TGDS: variants seen among roughly 807,000 people sequenced by gnomAD.
The protein encoded by TGDS is TDP-glucose 4,6-dehydratase.
In TGDS, 47 loss-of-function variants were observed where a neutral mutation model predicts 52.3. The ratio of observed to expected loss-of-function variants is 0.90; its 90% CI spans 0.71 to 1.15. The LOEUF (loss-of-function observed/expected upper bound fraction) is 1.15, where lower values mean the gene tolerates loss of function less well. Ranked by LOEUF, TGDS falls within the 50% of genes most tolerant of loss-of-function variation. The pLI, the probability that TGDS is intolerant of heterozygous loss-of-function variation, is 0.00. For missense variants in TGDS, 375 were observed against 418.4 expected (o/e 0.90, Z 0.90); for synonymous variants, 115 against 136.9 (o/e 0.84, Z 1.12).
In TGDS at chr13:94,585,770, G is replaced by T. The variant is rs146838767; in HGVS notation, c.314-2534C>A. On this transcript the variant is annotated intron_variant, in intron 4 of 11. Coordinates refer to ENST00000261296, the MANE Select transcript of TGDS (RefSeq NM_014305.4). The stretch of plus-strand genomic sequence containing the variant: ...AGCCGAGATCACAACACTGCACTCT[G>T]GCCTAGGTGACAGAACAAGACTCTG... Among the ~76,000 whole-genome samples, 599 of 148,444 alleles carry T rather than the reference G, an allele frequency of 4.0e-3. 5 individuals are homozygous for T. Among genetic ancestry groups the T allele is most frequent in the African/African-American group, 0.015 (588 of 40,010 alleles).
intron 4 of TGDS, 124 bp downstream of exon 4, chr13:94,590,729 C>T (rs1889166029): frequency 2.9e-6 from 2 of 695,512 alleles, no homozygotes; most frequent in South Asian, 2.4e-5. Flanking sequence ...TTATGGATAA[C>T]ACAGTCACCG....
Position 94,577,364 on chromosome 13 carries a change from T to C in TGDS, c.884+7A>G. The C allele has an allele frequency of 6.4e-7, 1 of 1,565,844 alleles. No homozygotes were observed. The highest frequency in any genetic ancestry group is 8.6e-7 in the Non-Finnish European group (1 of 1,161,852). ...ACCTTTCCCCAAGGTTTTAACTTGT[T>C]ACTCACCTATCATTAACATAATCAA... On this transcript the variant is annotated splice_region_variant and intron_variant, in intron 10 of 11. Coordinates refer to ENST00000261296, the MANE Select transcript of TGDS (RefSeq NM_014305.4).
At chr13:94,582,536 T>C (rs1270290809) in intron 5 of TGDS, among the ~76,000 whole-genome samples, 1 of 152,204 alleles carries the variant, frequency 6.6e-6, no homozygotes, top group Non-Finnish European at 1.5e-5. Flanking sequence ...AGAATAATAT[T>C]CTATGACGGT....
At chr13:94,593,323 A>T (rs1889270988) in intron 2 of TGDS, among the ~76,000 whole-genome samples, 1 of 152,178 alleles carries the variant, frequency 6.6e-6, no homozygotes, top group Non-Finnish European at 1.5e-5. Context: ...TTGGTGATAC[A>T]GAAAAAATTC....
At chr13:94,593,326 A>G (rs1889271277) in intron 2 of TGDS, among the ~76,000 whole-genome samples, 1 of 152,214 alleles carries the variant, frequency 6.6e-6, no homozygotes, top group African/African-American at 2.4e-5. Flanking sequence ...GTGATACAGA[A>G]AAAATTCCTG....
chr13:94,577,469 TGA>T (rs886583516), intron 9 of TGDS, 40 bp from the exon 10 acceptor site: 1 of 1,514,098 alleles, frequency 6.6e-7, no homozygotes, highest in African/African-American at 1.4e-5. Flanking sequence ...AATTATAAAA[TGA>T]GATCAGAGAA....
At chr13:94,593,261 T>C (rs1375276403) in intron 2 of TGDS, among the ~76,000 whole-genome samples, 1 of 152,218 alleles carries the variant, frequency 6.6e-6, no homozygotes, top group Admixed American at 6.5e-5. Flanking sequence ...TAATTACACC[T>C]GTGTTATACA....
At chr13:94,575,712 T>C (rs1888578280) in intron 11 of TGDS, among the ~76,000 whole-genome samples, 1 of 152,214 alleles carries the variant, frequency 6.6e-6, no homozygotes, top group Non-Finnish European at 1.5e-5. Flanking sequence ...ACTTAAGTAT[T>C]TGTATTTCAA....
At position 94,574,667 on chromosome 13, in the gene TGDS, T is replaced by G. The variant is rs541406878; in HGVS notation, c.*115A>C. On this transcript the variant is annotated 3_prime_UTR_variant, in exon 12 of 12. Coordinates refer to ENST00000261296, the MANE Select transcript of TGDS (RefSeq NM_014305.4). ...CATTTGAATTTTATACAGAAAGTCA[T>G]GAATCTAATTCCAAAAGAAAAGAGT... 1.6e-6 allele frequency: 1 copy of G among 620,004 alleles called. No homozygotes were observed. Among genetic ancestry groups the G allele is most frequent in the East Asian group, 2.7e-5 (1 of 36,500 alleles). The allele number at this position is 620,004 out of a possible 1,614,324, so 38.4% of individuals were successfully genotyped here. A position where few individuals can be genotyped will look rare whatever the true frequency, so the allele number is the denominator to read the frequency against.
intron 7 of TGDS, 41 bp downstream of exon 7, chr13:94,579,853 C>T (rs752699035): frequency 2.6e-6 from 3 of 1,143,686 alleles, no homozygotes; most frequent in African/African-American, 1.5e-5. Flanking sequence ...TGAGAAGTTA[C>T]AATCACTGAA....
chr13:94,583,568 TA>T (rs1378872111), intron 4 of TGDS, among the ~76,000 whole-genome samples: 8 of 152,194 alleles, frequency 5.3e-5, no homozygotes, highest in Non-Finnish European at 8.8e-5. Context: ...ATAGGCTTTT[TA>T]AGATCAATCT....
rs1012283243 is a variant in TGDS at position 94,574,184 on chromosome 13, A to T, written c.*598T>A. The T allele has an allele frequency of 1.3e-5, 2 of 152,222 alleles. No homozygotes were observed. Among genetic ancestry groups the T allele is most frequent in the African/African-American group, 4.8e-5 (2 of 41,474 alleles). The allele number at this position is 152,222 out of a possible 1,614,324, so 9.4% of individuals were successfully genotyped here. ...AATCATTTTAAACAGTAAACATGAT[A>T]AATTTCTGATACAAGGTTTTACATA... is the stretch of plus-strand genomic sequence containing the variant. On this transcript the variant is annotated 3_prime_UTR_variant, in exon 12 of 12. Transcript: ENST00000261296.
chr13:94,592,411 A>G (rs1299577031), intron 2 of TGDS, 102 bp from the exon 3 acceptor site: 1 of 848,038 alleles, frequency 1.2e-6, no homozygotes, highest in Non-Finnish European at 1.8e-6. Flanking sequence ...ACTGGTTACA[A>G]TACAAGAACA....
intron 3 of TGDS, 53 bp downstream of exon 3, chr13:94,592,188 T>G: frequency 7.4e-7 from 1 of 1,344,974 alleles, no homozygotes; most frequent in Non-Finnish European, 1.0e-6. Context: ...AAAGATACTA[T>G]AATCTCTGCA....
At chr13:94,586,407 CG>C (rs1053836958) in intron 4 of TGDS, among the ~76,000 whole-genome samples, 3 of 151,990 alleles carry the variant, frequency 2.0e-5, no homozygotes, top group Admixed American at 1.3e-4. Context: ...TACACATCAC[CG>C]GGGAAAAAAG....
At chr13:94,585,514 C>T (rs1030379759) in intron 4 of TGDS, among the ~76,000 whole-genome samples, 1 of 151,776 alleles carries the variant, frequency 6.6e-6, no homozygotes, top group Admixed American at 6.6e-5. Flanking sequence ...TTTAAAATTC[C>T]AGGCAGGACA....
At chr13:94,575,960 A>G (rs1221342666) in intron 11 of TGDS, among the ~76,000 whole-genome samples, 1 of 152,184 alleles carries the variant, frequency 6.6e-6, no homozygotes, top group Non-Finnish European at 1.5e-5. Flanking sequence ...ATTATTTTAC[A>G]TACATGTAAA....
intron 1 of TGDS, 109 bp from the exon 2 acceptor site, chr13:94,594,016 T>C (rs1025488464): frequency 1.5e-6 from 1 of 664,036 alleles, no homozygotes; most frequent in Non-Finnish European, 2.5e-6. Context: ...ATAACTTTAA[T>C]TTTTTCTAAG....
At chr13:94,592,086 C>T (rs1889220557) in intron 3 of TGDS, among the ~76,000 whole-genome samples, 155 bp downstream of exon 3, 1 of 152,186 alleles carries the variant, frequency 6.6e-6, no homozygotes, top group South Asian at 2.1e-4. Flanking sequence ...CTCTAGAGCA[C>T]ATGGTACTTT....
Sources: gnomAD v4.1 joint callset for allele counts (sites outside exome capture counted in the v4.1 genomes callset) on GRCh38, gnomAD v4.1.1 for gene constraint, MANE v1.5 for transcripts, NCBI Gene and HGNC (gene_info 2026-07-23, HGNC 2026-07-21) for gene names.